TRAPPC9: variants seen among roughly 807,000 people sequenced by gnomAD.
The protein encoded by TRAPPC9 is IKK2 binding protein.
TRAPPC9 carries 83 observed loss-of-function variants against 124.0 expected under a neutral mutation model. The ratio of observed to expected loss-of-function variants is 0.67; its 90% confidence interval spans 0.56 to 0.80. The LOEUF (loss-of-function observed/expected upper bound fraction) is 0.80, where lower values mean the gene tolerates loss of function less well. Ranked by LOEUF, TRAPPC9 falls within the 30% of genes least tolerant of loss-of-function variation. The pLI is 0.00. For missense variants in TRAPPC9, 1,302 were observed against 1,508.3 expected (o/e 0.86, Z 2.27); for synonymous variants, 638 against 617.5 (o/e 1.03, Z -0.49).
intron 2 of TRAPPC9, among the ~76,000 whole-genome samples, chr8:140,441,532 T>G (rs1051058611): frequency 5.9e-5 from 9 of 152,134 alleles, no homozygotes; most frequent in African/African-American, 2.2e-4. Context: ...CCTAAAGAAG[T>G]AAATTAGGTC....
chr8:140,164,897 C>A (rs1380954503), intron 17 of TRAPPC9, among the ~76,000 whole-genome samples: 1 of 152,234 alleles, frequency 6.6e-6, no homozygotes, highest in Admixed American at 6.5e-5. Flanking sequence ...ATCTCTCACC[C>A]CCACCAGCAG....
chr8:139,826,262 G>A (rs957146908), intron 21 of TRAPPC9, among the ~76,000 whole-genome samples: 7 of 152,224 alleles, frequency 4.6e-5, no homozygotes, highest in African/African-American at 1.7e-4. Flanking sequence ...CCTTGGAGAG[G>A]TGTGACTGAT....
chr8:139,796,788 C>T (rs755004513), intron 21 of TRAPPC9, among the ~76,000 whole-genome samples: 15 of 152,300 alleles, frequency 9.8e-5, no homozygotes, highest in Middle Eastern at 3.4e-3. Context: ...CTGGGTCATA[C>T]GGTAACTTTA....
intron 10 of TRAPPC9, among the ~76,000 whole-genome samples, chr8:140,309,842 G>GC (rs1044148661): frequency 2.6e-5 from 4 of 152,178 alleles, no homozygotes; most frequent in African/African-American, 9.7e-5. Context: ...CAGCGGTGTT[G>GC]CAAGTCCCTC....
rs2064150890 is a variant in TRAPPC9 at position 140,252,359 on chromosome 8, T to C, written c.2431+418A>G. ...AAATCTTATCTCTAATCAGTCCTAATGTTACAACAAATATAAATTTCCATT... is the reference window on the plus strand; with the variant it reads ...AAATCTTATCTCTAATCAGTCCTAACGTTACAACAAATATAAATTTCCATT... On this transcript the variant is annotated intron_variant, in intron 16 of 22. Transcript: ENST00000438773. The surrounding 1 kb of genome is among the most constrained non-coding windows in gnomAD (Gnocchi z 4.2). Among the ~76,000 whole-genome samples the C allele has an allele frequency of 6.6e-6, 1 of 152,150 alleles. No homozygotes were observed. Among genetic ancestry groups the C allele is most frequent in the Non-Finnish European group, 1.5e-5 (1 of 68,030 alleles).
chr8:140,073,186 C>G (rs970799009), intron 17 of TRAPPC9, among the ~76,000 whole-genome samples: 2 of 152,130 alleles, frequency 1.3e-5, no homozygotes, highest in Non-Finnish European at 2.9e-5. Flanking sequence ...ACAATTCTAC[C>G]CCTTAATAAC....
At chr8:139,766,896 G>A (rs751566969) in intron 21 of TRAPPC9, among the ~76,000 whole-genome samples, 4 of 152,202 alleles carry the variant, frequency 2.6e-5, no homozygotes, top group Admixed American at 6.5e-5. Context: ...TGTGCGTCCC[G>A]CAGACCTGTG....
At chr8:140,184,539 A>G (rs1308778803) in intron 17 of TRAPPC9, among the ~76,000 whole-genome samples, 2 of 152,080 alleles carry the variant, frequency 1.3e-5, no homozygotes, top group African/African-American at 4.8e-5. Context: ...GGGTTCAAGC[A>G]ATTCTCCTGC....
At chr8:140,093,864 T>A (rs1844741384) in intron 17 of TRAPPC9, among the ~76,000 whole-genome samples, 1 of 152,094 alleles carries the variant, frequency 6.6e-6, no homozygotes, top group South Asian at 2.1e-4. Context: ...CACACCTAAT[T>A]TCTTTCACCC....
intron 19 of TRAPPC9, among the ~76,000 whole-genome samples, chr8:139,974,794 CA>C (rs1836327605): frequency 6.6e-6 from 1 of 152,104 alleles, no homozygotes; most frequent in Non-Finnish European, 1.5e-5. Context: ...CACAGAAGAC[CA>C]GCTCATGTGG....
intron 17 of TRAPPC9, among the ~76,000 whole-genome samples, chr8:140,116,290 C>G (rs1174623338): frequency 6.6e-6 from 1 of 152,132 alleles, no homozygotes; most frequent in African/African-American, 2.4e-5. Context: ...GGAAGCTGGA[C>G]AGGGTTTATT....
At chr8:139,794,597 C>T (rs1822920103) in intron 21 of TRAPPC9, among the ~76,000 whole-genome samples, 1 of 152,208 alleles carries the variant, frequency 6.6e-6, no homozygotes, top group Non-Finnish European at 1.5e-5. Flanking sequence ...CCCTGCCCAG[C>T]AACTGTGTGC....
chr8:139,807,052 G>A (rs78460135), intron 21 of TRAPPC9, among the ~76,000 whole-genome samples: 3,662 of 152,316 alleles, frequency 0.024, 149 homozygotes, highest in East Asian at 0.12. Flanking sequence ...TCAGAGGCAG[G>A]AGGAAGCCTG....
chr8:140,067,354 A>C (rs1371381704), intron 17 of TRAPPC9, among the ~76,000 whole-genome samples: 2 of 152,182 alleles, frequency 1.3e-5, no homozygotes, highest in African/African-American at 2.4e-5. Flanking sequence ...CATGTTAGCC[A>C]GGATGGTCTC....
chr8:139,879,217 G>T (rs2319565), intron 21 of TRAPPC9, among the ~76,000 whole-genome samples: 3 of 152,180 alleles, frequency 2.0e-5, no homozygotes, highest in Admixed American at 2.0e-4. Flanking sequence ...CCAGGTCATG[G>T]GGGGTGGGGC....
chr8:140,011,773 G>A (rs1050418243), intron 18 of TRAPPC9, among the ~76,000 whole-genome samples: 2 of 149,758 alleles, frequency 1.3e-5, no homozygotes, highest in African/African-American at 4.9e-5. Context: ...TGCCTCCTGG[G>A]TTTAAGTGAT....
Position 140,129,286 on chromosome 8 carries a change from G to A in TRAPPC9, c.2556+92173C>T, listed in dbSNP as rs76989835. Among the ~76,000 whole-genome samples, 29 of 152,210 alleles carry A rather than the reference G, an allele frequency of 1.9e-4. No individual in the cohort carries two copies. The East Asian group carries it at 4.8e-3, about 25-fold the overall frequency. On this transcript the variant is annotated intron_variant, in intron 17 of 22. Transcript: ENST00000438773. ...TCGGGTGTGTCTGGCCCCTTGCAAG[G>A]TGAGGCGGCACCGACTGAGGAGGAT...
chr8:140,272,382 T>A (rs944811852), intron 15 of TRAPPC9, among the ~76,000 whole-genome samples: 4 of 106,366 alleles, frequency 3.8e-5, no homozygotes. Flanking sequence ...GTGGTGGTGA[T>A]GATGGTGATG....
chr8:139,801,447 C>T (rs1586873256), intron 21 of TRAPPC9, among the ~76,000 whole-genome samples: 1 of 152,308 alleles, frequency 6.6e-6, no homozygotes, highest in East Asian at 1.9e-4. Context: ...CCCAGGGAGC[C>T]CATGCCTATG....
Sources: gnomAD v4.1 joint callset for allele counts (sites outside exome capture counted in the v4.1 genomes callset) on GRCh38, gnomAD v4.1.1 for gene constraint, Gnocchi (gnomAD v3.1) non-coding constraint, MANE v1.5 for transcripts, NCBI Gene and HGNC (gene_info 2026-07-23, HGNC 2026-07-21) for gene names.